C1orf185: variants seen among roughly 807,000 people sequenced by gnomAD.
C1orf185 encodes chromosome 1 open reading frame 185.
A neutral mutation model predicts 16.1 loss-of-function variants in C1orf185; 13 were observed. The observed-to-expected ratio is 0.81, with a 90% CI of 0.53 to 1.28. The LOEUF (loss-of-function observed/expected upper bound fraction) is 1.28. C1orf185 is among the 50% of genes most tolerant of loss of function. The pLI is 0.00. For synonymous variants in C1orf185, 80 were observed against 76.9 expected (o/e 1.04, Z -0.21); for missense variants, 220 against 225.2 (o/e 0.98, Z 0.15).
At chr1:51,132,685 T>C (rs1646294283) in intron 3 of C1orf185, among the ~76,000 whole-genome samples, 1 of 152,056 alleles carries the variant, frequency 6.6e-6, no homozygotes, top group African/African-American at 2.4e-5. Flanking sequence ...ATACCATCCA[T>C]CTCTTTCAGG....
In C1orf185 at chr1:51,118,102, T is replaced by C. The variant is rs1439455240; in HGVS notation, c.123-564T>C. 2.0e-5 allele frequency among the ~76,000 whole-genome samples: 3 copies of C among 152,326 alleles called. No homozygotes were observed. The East Asian group carries it at 5.8e-4, about 29-fold the overall frequency. On this transcript the variant is annotated intron_variant, in intron 2 of 4. Transcript: ENST00000371759. ...CTAATTTTTTTGTATGTGTTTTTAG[T>C]AGAGACAGGGTTTCACCATGTTGGC...
downstream of C1orf185, among the ~76,000 whole-genome samples, chr1:51,151,059 C>T (rs7524003): frequency 6.6e-6 from 1 of 152,072 alleles, no homozygotes; most frequent in Non-Finnish European, 1.5e-5. Flanking sequence ...TGTAAGAGAC[C>T]CACAGTTGAC....
intron 4 of C1orf185, among the ~76,000 whole-genome samples, chr1:51,146,514 A>G (rs1646402020): frequency 6.6e-6 from 1 of 152,056 alleles, no homozygotes; most frequent in Non-Finnish European, 1.5e-5. Flanking sequence ...TAAATTTTTT[A>G]AAAAGAAAAG....
intron 3 of C1orf185, among the ~76,000 whole-genome samples, chr1:51,125,344 T>C (rs1646232603): frequency 6.6e-6 from 1 of 152,196 alleles, no homozygotes; most frequent in African/African-American, 2.4e-5. Context: ...TGTGAGGACT[T>C]ATAAGAAACA....
At chr1:51,102,417 T>C (rs1054957727) in intron 1 of C1orf185, 168 bp downstream of exon 1, 4 of 426,732 alleles carry the variant, frequency 9.4e-6, no homozygotes, top group Non-Finnish European at 1.7e-5. Flanking sequence ...ATTGGGGCTA[T>C]TTTCTTTGGG....
chr1:51,135,086 G>T (rs536088878), intron 3 of C1orf185, among the ~76,000 whole-genome samples: 1 of 152,320 alleles, frequency 6.6e-6, no homozygotes, highest in African/African-American at 2.4e-5. Flanking sequence ...GAACATTGAT[G>T]CAACAATCCT....
chr1:51,139,291 C>T (rs555758367), intron 3 of C1orf185, among the ~76,000 whole-genome samples: 5 of 151,928 alleles, frequency 3.3e-5, no homozygotes, highest in African/African-American at 7.2e-5. Context: ...TTAGTAGAGA[C>T]GGGCTTTCAC....
intron 2 of C1orf185, among the ~76,000 whole-genome samples, chr1:51,114,133 T>G (rs184329391): frequency 4.9e-4 from 74 of 152,264 alleles, no homozygotes; most frequent in Non-Finnish European, 7.2e-4. Context: ...TAAGGAATGG[T>G]CTTGACATGT....
At chr1:51,137,797 G>T (rs768677685) in intron 3 of C1orf185, among the ~76,000 whole-genome samples, 1 of 152,066 alleles carries the variant, frequency 6.6e-6, no homozygotes, top group Admixed American at 6.6e-5. Flanking sequence ...ACATGGAATC[G>T]ACCTAAATGC....
intron 4 of C1orf185, 39 bp from the exon 5 acceptor site, chr1:51,147,428 T>G (rs1646407943): frequency 5.5e-6 from 8 of 1,447,154 alleles, no homozygotes; most frequent in Non-Finnish European, 7.3e-6. Context: ...AGAGTTGGCT[T>G]GTGAATATAT....
At chr1:51,140,051 G>C (rs1646354368) in intron 3 of C1orf185, among the ~76,000 whole-genome samples, 1 of 152,072 alleles carries the variant, frequency 6.6e-6, no homozygotes. Context: ...TGATGTCAGT[G>C]ATACAAAAAA....
intron 3 of C1orf185, among the ~76,000 whole-genome samples, chr1:51,145,429 G>A (rs1043329361): frequency 3.9e-5 from 6 of 151,994 alleles, no homozygotes; most frequent in African/African-American, 1.4e-4. Context: ...TTATTTTTTA[G>A]CATTCTCTAG....
chr1:51,138,843 A>T (rs1196406120), intron 3 of C1orf185, among the ~76,000 whole-genome samples: 1 of 152,068 alleles, frequency 6.6e-6, no homozygotes. Flanking sequence ...GTGCGCCCCT[A>T]TGCCCAGCTA....
Position 51,147,717 on chromosome 1 carries a change from G to A in C1orf185, c.546G>A (p.Leu182=). 3 of 1,550,870 alleles carry A rather than the reference G, an allele frequency of 1.9e-6. No individual in the cohort carries two copies. The highest frequency in any genetic ancestry group is 2.6e-6 in the Non-Finnish European group (3 of 1,146,678). The change falls in exon 5 of 5, where the codon CTG becomes CTA. Residue 182 remains leucine (L), a synonymous_variant. Coordinates refer to ENST00000371759, the MANE Select transcript of C1orf185 (RefSeq NM_001136508.2). ...TAATGGAAAAAGTATTTTCATACCT[G>A]TCAACCATTTCATTAGAAGAGGGTA... is the stretch of plus-strand genomic sequence containing the variant. The part of the protein sequence containing the change: ...EPLMEKVFSY[L]STISLEEGTE...
intron 3 of C1orf185, among the ~76,000 whole-genome samples, chr1:51,135,678 T>G (rs1031537400): frequency 1.3e-5 from 2 of 152,224 alleles, no homozygotes; most frequent in Non-Finnish European, 2.9e-5. Flanking sequence ...GAGCCATCTA[T>G]GACAAACCCA....
intron 3 of C1orf185, among the ~76,000 whole-genome samples, chr1:51,145,055 T>C (rs1334867451): frequency 6.6e-6 from 1 of 152,168 alleles, no homozygotes; most frequent in Non-Finnish European, 1.5e-5. Context: ...CCGGTAATTC[T>C]AATCCCCTAA....
At chr1:51,110,043 C>G (rs904161432) in intron 1 of C1orf185, among the ~76,000 whole-genome samples, 23 of 152,182 alleles carry the variant, frequency 1.5e-4, no homozygotes, top group Non-Finnish European at 2.9e-4. Context: ...AAGATATTCA[C>G]TGCCTCTATT....
In C1orf185 at chr1:51,147,809, T is replaced by C. The variant is rs1209486522; in HGVS notation, c.*38T>C. 2.8e-6 allele frequency: 4 copies of C among 1,424,716 alleles called. 1 individual carries two copies. Among genetic ancestry groups the C allele is most frequent in the South Asian group, 2.9e-5 (2 of 68,604 alleles). 88.3% of individuals were successfully genotyped at this position (1,424,716 alleles called of 1,614,324 possible). A position where few individuals can be genotyped will look rare whatever the true frequency, so the allele number is the denominator to read the frequency against. On this transcript the variant is annotated 3_prime_UTR_variant, in exon 5 of 5. Coordinates refer to ENST00000371759, the MANE Select transcript of C1orf185 (RefSeq NM_001136508.2). Reference sequence around the variant, plus strand: ...TGACTACATTAAGGGAAAATGTTCATGAAGAAACACAGAGGTTGAAATATA... The same window carrying C: ...TGACTACATTAAGGGAAAATGTTCACGAAGAAACACAGAGGTTGAAATATA...
At chr1:51,140,926 A>G in intron 3 of C1orf185, among the ~76,000 whole-genome samples, 1 of 152,110 alleles carries the variant, frequency 6.6e-6, no homozygotes, top group Non-Finnish European at 1.5e-5. Flanking sequence ...AGAACTGTAT[A>G]CTTGTTTTAT....
Sources: gnomAD v4.1 joint callset for allele counts (sites outside exome capture counted in the v4.1 genomes callset) on GRCh38, gnomAD v4.1.1 for gene constraint, MANE v1.5 for transcripts, NCBI Gene and HGNC (gene_info 2026-07-23, HGNC 2026-07-21) for gene names.